FKBP5: variants seen among roughly 807,000 people sequenced by gnomAD.
The protein encoded by FKBP5 is peptidyl-prolyl cis-trans isomerase FKBP5.
FKBP5 carries 23 observed loss-of-function variants against 50.5 expected under a neutral mutation model. That is an observed-to-expected ratio of 0.46 (90% CI 0.33 to 0.65). The LOEUF is 0.65. FKBP5 is among the 30% of genes least tolerant of loss of function. FKBP5 has a pLI of 0.02. For missense variants in FKBP5, 411 were observed against 553.1 expected (o/e 0.74, Z 2.58); for synonymous variants, 176 against 190.6 (o/e 0.92, Z 0.63).
At chr6:35,646,862 C>T (rs1363815772) in intron 1 of FKBP5, among the ~76,000 whole-genome samples, 2 of 152,126 alleles carry the variant, frequency 1.3e-5, no homozygotes, top group Non-Finnish European at 2.9e-5. Context: ...TGAGACATAA[C>T]AGAAAAATGA....
intron 8 of FKBP5, chr6:35,581,336 G>A: frequency 2.8e-6 from 1 of 358,406 alleles, no homozygotes; most frequent in Non-Finnish European, 3.9e-6. Flanking sequence ...GCTGAGCACA[G>A]TGGCTCATAC....
rs146257190 is a variant in FKBP5 at position 35,616,488 on chromosome 6, G to C, written c.508+2608C>G. On this transcript the variant is annotated intron_variant, in intron 5 of 10. Coordinates refer to ENST00000357266, the MANE Select transcript of FKBP5 (RefSeq NM_004117.4). ...GATTTTGATAAATGTACTGTGATTA[G>C]GTAAGATGTTAACATTTAGAGGAAG... Among the ~76,000 whole-genome samples the C allele has an allele frequency of 4.3e-4, 65 of 152,122 alleles. 3 individuals are homozygous for C. The East Asian group carries it at 0.011, about 26-fold the overall frequency.
intron 5 of FKBP5, among the ~76,000 whole-genome samples, chr6:35,602,540 T>A (rs1763177340): frequency 6.6e-6 from 1 of 152,088 alleles, no homozygotes; most frequent in South Asian, 2.1e-4. Flanking sequence ...TCATGCCAAG[T>A]GAGCTTCTTT....
At chr6:35,702,368 T>TA (rs11404008) in intron 2 of FKBP5, among the ~76,000 whole-genome samples, 91,695 of 143,424 alleles carry the variant, frequency 0.64, 30,116 homozygotes, top group African/African-American at 0.86. Context: ...CAATAAAGGT[T>TA]AAAAAAAAAA....
At chr6:35,606,995 C>T (rs996838301) in intron 5 of FKBP5, among the ~76,000 whole-genome samples, 2 of 152,192 alleles carry the variant, frequency 1.3e-5, no homozygotes, top group Admixed American at 1.3e-4. Flanking sequence ...GGCTGGACTG[C>T]AGTGGCAGAA....
chr6:35,577,361 C>T, intron 9 of FKBP5, 128 bp from the exon 10 acceptor site: 1 of 757,710 alleles, frequency 1.3e-6, no homozygotes. Flanking sequence ...AAGATAATTA[C>T]ATACTACTGA....
chr6:35,721,334 G>A (rs1257804052), intron 1 of FKBP5, among the ~76,000 whole-genome samples: 6 of 150,436 alleles, frequency 4.0e-5, no homozygotes, highest in African/African-American at 9.7e-5. Context: ...GCCACAGAGC[G>A]AGACTCTGTC....
intron 1 of FKBP5, among the ~76,000 whole-genome samples, chr6:35,721,457 T>G (rs1766609304): frequency 6.6e-6 from 1 of 151,814 alleles, no homozygotes; most frequent in Non-Finnish European, 1.5e-5. Context: ...CACCCCAAAA[T>G]AGTGGCTTTT....
intron 5 of FKBP5, among the ~76,000 whole-genome samples, chr6:35,606,906 C>T (rs1561854988): frequency 1.3e-5 from 2 of 152,048 alleles, no homozygotes; most frequent in South Asian, 4.1e-4. Context: ...AGATAGCTGG[C>T]ATTTACACTG....
At chr6:35,698,169 AC>A (rs1766115161) in intron 2 of FKBP5, among the ~76,000 whole-genome samples, 1 of 151,956 alleles carries the variant, frequency 6.6e-6, no homozygotes, top group African/African-American at 2.4e-5. Context: ...ATGGTGAAAC[AC>A]CGTCTCTATT....
At chr6:35,722,615 C>T (rs1766631421) in intron 1 of FKBP5, among the ~76,000 whole-genome samples, 1 of 152,216 alleles carries the variant, frequency 6.6e-6, no homozygotes, top group South Asian at 2.1e-4. Context: ...ACTCCATGTC[C>T]AGCCAGACCA....
At chr6:35,608,804 A>T (rs1763408444) in intron 5 of FKBP5, among the ~76,000 whole-genome samples, 2 of 151,818 alleles carry the variant, frequency 1.3e-5, no homozygotes, top group African/African-American at 2.4e-5. Context: ...TTATTGTTTT[A>T]TTATTATTAT....
At chr6:35,663,195 G>C (rs1482338972) in intron 1 of FKBP5, among the ~76,000 whole-genome samples, 1 of 152,190 alleles carries the variant, frequency 6.6e-6, no homozygotes, top group Admixed American at 6.5e-5. Flanking sequence ...GTGAGCTGAG[G>C]GGGAGGGCTT....
At chr6:35,638,915 A>G (rs766757091) in intron 2 of FKBP5, among the ~76,000 whole-genome samples, 2 of 152,174 alleles carry the variant, frequency 1.3e-5, no homozygotes, top group Non-Finnish European at 2.9e-5. Context: ...CTAGGACTAT[A>G]AACAGTAACT....
chr6:35,642,753 A>G lies in FKBP5; in HGVS notation c.72T>C (p.Asp24=), dbSNP rs1306410455. 6.2e-7 allele frequency: 1 copy of G among 1,613,838 alleles called. No homozygotes were observed. The highest frequency in any genetic ancestry group is 1.3e-5 in the African/African-American group (1 of 74,892). ...PTATVAEQGE[D]ITSKKDRGVL... is the part of the protein sequence containing the mutation. ...CTCCCCTGTCTTTTTTGGAGGTAAT[A>G]TCCTCTCCCTGCTCAGCAACAGTGG... Residue 24 remains aspartate (D), a synonymous_variant, in exon 2 of 11, where the codon GAT becomes GAC. Transcript: ENST00000357266.
intron 1 of FKBP5, among the ~76,000 whole-genome samples, chr6:35,727,272 T>A (rs990327456): frequency 2.0e-5 from 3 of 152,166 alleles, no homozygotes; most frequent in Admixed American, 6.5e-5. Flanking sequence ...CCTCCTTGGT[T>A]TGGAGAGGGT....
chr6:35,628,526 T>C lies in FKBP5; in HGVS notation c.251-8252A>G, dbSNP rs376366882. On this transcript the variant is annotated intron_variant, in intron 3 of 10. Transcript: ENST00000357266. ...GCATCTGATTCATTCCTGCTTCACC[T>C]TCCTTGAGGGATTCCTAGGACTCAG... is the stretch of plus-strand genomic sequence containing the variant. Among the ~76,000 whole-genome samples, 4 of 152,348 alleles carry C rather than the reference T, an allele frequency of 2.6e-5. No homozygotes were observed. The East Asian group carries it at 7.7e-4, about 29-fold the overall frequency.
intron 2 of FKBP5, among the ~76,000 whole-genome samples, chr6:35,641,345 G>A (rs1360877593): frequency 3.3e-5 from 5 of 152,076 alleles, no homozygotes; most frequent in Non-Finnish European, 1.5e-5. Context: ...ATGATAGAAA[G>A]TATAGTAAAC....
intron 1 of FKBP5, among the ~76,000 whole-genome samples, chr6:35,723,101 C>T (rs889894104): frequency 1.4e-4 from 22 of 151,934 alleles, no homozygotes; most frequent in Non-Finnish European, 2.2e-4. Context: ...GGCGTGGTGG[C>T]GGGGGCCTGT....
Sources: gnomAD v4.1 joint callset for allele counts (sites outside exome capture counted in the v4.1 genomes callset) on GRCh38, gnomAD v4.1.1 for gene constraint, MANE v1.5 for transcripts, NCBI Gene and HGNC (gene_info 2026-07-23, HGNC 2026-07-21) for gene names.